The following PHF20L1 variants were observed in gnomAD, a reference collection of about 807,000 sequenced individuals.
PHF20L1 encodes the protein PHD finger protein 20-like protein 1.
PHF20L1 carries 44 observed loss-of-function variants against 125.5 expected under a neutral mutation model. The ratio of observed to expected loss-of-function variants is 0.35; its 90% confidence interval spans 0.28 to 0.45. The LOEUF is 0.45. Ranked by LOEUF, PHF20L1 falls within the 20% of genes least tolerant of loss-of-function variation. PHF20L1 has a pLI of 1.00. For synonymous variants in PHF20L1, 380 were observed against 403.1 expected (o/e 0.94, Z 0.69); for missense variants, 1,012 against 1,217.2 (o/e 0.83, Z 2.51).
In PHF20L1 at chr8:132,794,715, A is replaced by G. The variant is rs760211789; in HGVS notation, c.256-18A>G. Reference sequence around the variant, plus strand: ...ATTTAATATACATGGAATTGATCTTAAAAGTTGTTTAAAATAGGATTTTAA... The same window carrying G: ...ATTTAATATACATGGAATTGATCTTGAAAGTTGTTTAAAATAGGATTTTAA... On this transcript the variant is annotated intron_variant, in intron 3 of 20. Coordinates refer to ENST00000395386, the MANE Select transcript of PHF20L1 (RefSeq NM_016018.5). 1.9e-6 allele frequency: 3 copies of G among 1,596,998 alleles called. No individual in the cohort carries two copies. Among genetic ancestry groups the G allele is most frequent in the Middle Eastern group, 1.7e-4 (1 of 6,016 alleles).
intron 18 of PHF20L1, among the ~76,000 whole-genome samples, chr8:132,840,981 G>C (rs1837874687): frequency 6.6e-6 from 1 of 152,044 alleles, no homozygotes; most frequent in Non-Finnish European, 1.5e-5. Context: ...GCCTGAATAT[G>C]AATTTGTTTT....
chr8:132,810,267 C>A (rs1303351196), intron 8 of PHF20L1: 1 of 152,170 alleles, frequency 6.6e-6, no homozygotes, highest in Non-Finnish European at 1.5e-5. Flanking sequence ...TGGTCTTGAA[C>A]TCCTGACCTC....
chr8:132,801,041 T>G (rs1832985459), intron 6 of PHF20L1, among the ~76,000 whole-genome samples: 1 of 151,632 alleles, frequency 6.6e-6, no homozygotes, highest in Admixed American at 6.6e-5. Flanking sequence ...AGGAGGGGGA[T>G]TGATTCCTTC....
chr8:132,776,806 G>A (rs1400444630), intron 1 of PHF20L1, among the ~76,000 whole-genome samples: 6 of 152,174 alleles, frequency 3.9e-5, no homozygotes, highest in Admixed American at 3.9e-4. Context: ...AATACCGAAA[G>A]ACATTTTACG....
At chr8:132,834,117 CT>C (rs1355274009) in intron 15 of PHF20L1, among the ~76,000 whole-genome samples, 1 of 152,050 alleles carries the variant, frequency 6.6e-6, no homozygotes, top group Non-Finnish European at 1.5e-5. Context: ...TAAGGGGGAA[CT>C]TTTATTTGCT....
chr8:132,845,507 A>G (rs928910126), intron 20 of PHF20L1, among the ~76,000 whole-genome samples: 2 of 151,970 alleles, frequency 1.3e-5, no homozygotes, highest in African/African-American at 4.8e-5. Flanking sequence ...GTGTATATGT[A>G]TTTTCCCCCT....
At chr8:132,838,588 T>G (rs1425203735) in intron 17 of PHF20L1, 1 of 152,036 alleles carries the variant, frequency 6.6e-6, no homozygotes, top group Non-Finnish European at 1.5e-5. Flanking sequence ...TCTCAAATAA[T>G]AGGCATGTGG....
At chr8:132,842,119 C>T (rs1296353113) in intron 18 of PHF20L1, 1 of 156,134 alleles carries the variant, frequency 6.4e-6, no homozygotes, top group Non-Finnish European at 1.4e-5. Flanking sequence ...GAAATTTTTA[C>T]TTTCTGTGCA....
At chr8:132,791,793 A>G (rs1831743964) in intron 2 of PHF20L1, among the ~76,000 whole-genome samples, 2 of 152,162 alleles carry the variant, frequency 1.3e-5, no homozygotes, top group Admixed American at 6.5e-5. Context: ...GTACATACCA[A>G]TTTCTAGATA....
At chr8:132,781,822 G>C (rs900248406) in intron 2 of PHF20L1, among the ~76,000 whole-genome samples, 3 of 152,190 alleles carry the variant, frequency 2.0e-5, no homozygotes, top group African/African-American at 7.2e-5. Context: ...AATGGACACA[G>C]GCCCTGAGAA....
chr8:132,804,529 C>A, intron 7 of PHF20L1, 86 bp from the exon 8 acceptor site: 1 of 1,020,766 alleles, frequency 9.8e-7, no homozygotes, highest in Non-Finnish European at 1.5e-6. Context: ...ATGTGCAAAG[C>A]ATTTTTACTA....
intron 15 of PHF20L1, among the ~76,000 whole-genome samples, chr8:132,834,948 A>G (rs1160879509): frequency 6.6e-6 from 1 of 152,126 alleles, no homozygotes; most frequent in Non-Finnish European, 1.5e-5. Flanking sequence ...AATCAACAAC[A>G]AAACATTCAA....
At chr8:132,837,672 T>G (rs780747348) in intron 16 of PHF20L1, 40 bp from the exon 17 acceptor site, 1 of 1,488,642 alleles carries the variant, frequency 6.7e-7, no homozygotes, top group Non-Finnish European at 9.4e-7. Context: ...TTATTCCTAG[T>G]GAGGATCGGG....
chr8:132,822,154 G>T (rs980159170), intron 12 of PHF20L1, among the ~76,000 whole-genome samples: 1 of 151,780 alleles, frequency 6.6e-6, no homozygotes, highest in South Asian at 2.1e-4. Context: ...TTATGAAATC[G>T]AAAGGTTTGG....
rs540566329 is a variant in PHF20L1 at position 132,781,453 on chromosome 8, G to T, written c.83+3542G>T. ...TTTTGAGACAGAGTCTTGCTCTTTCGCCAGTCTGGAATTCAGTGGCGCAAT... is the reference window on the plus strand; with the variant it reads ...TTTTGAGACAGAGTCTTGCTCTTTCTCCAGTCTGGAATTCAGTGGCGCAAT... On this transcript the variant is annotated intron_variant, in intron 2 of 20. Transcript: ENST00000395386. Among the ~76,000 whole-genome samples, 4 of 151,168 alleles carry T rather than the reference G, an allele frequency of 2.6e-5. No homozygotes were observed. In the South Asian group the frequency reaches 8.4e-4, roughly 32 times the overall value.
At chr8:132,824,233 T>C (rs1587006367) in intron 13 of PHF20L1, 173 bp downstream of exon 13, 1 of 429,530 alleles carries the variant, frequency 2.3e-6, no homozygotes. Flanking sequence ...TAAACACATA[T>C]CTTGTTTTAT....
intron 10 of PHF20L1, 92 bp downstream of exon 10, chr8:132,814,981 C>G: frequency 9.4e-7 from 1 of 1,059,048 alleles, no homozygotes; most frequent in Non-Finnish European, 1.3e-6. Context: ...TATGAAGTTG[C>G]TTTTTAAAAA....
chr8:132,839,166 C>T (rs1382671511), intron 17 of PHF20L1: 4 of 504,564 alleles, frequency 7.9e-6, no homozygotes, highest in Admixed American at 3.3e-5. Flanking sequence ...TGCCACTGAC[C>T]ATGTCCTTAA....
intron 6 of PHF20L1, among the ~76,000 whole-genome samples, chr8:132,801,059 G>A (rs1186494040): frequency 3.3e-5 from 5 of 151,570 alleles, no homozygotes; most frequent in Admixed American, 6.6e-5. Context: ...TTCATTTTAT[G>A]AGATACCTCC....
Sources: allele counts gnomAD v4.1 joint callset (sites outside exome capture counted in the v4.1 genomes callset), GRCh38; gene constraint gnomAD v4.1.1; transcripts MANE v1.5; gene names NCBI Gene and HGNC (gene_info 2026-07-23, HGNC 2026-07-21).